Variants in ATP11B observed in about 807,000 individuals in gnomAD.
The protein encoded by ATP11B is phospholipid-transporting ATPase IF.
In ATP11B, 81 loss-of-function variants were observed where a neutral mutation model predicts 157.8. The observed-to-expected ratio is 0.51, with a 90% confidence interval of 0.43 to 0.62. The LOEUF is 0.62. Among genes scored for constraint, ATP11B ranks in the 20% least tolerant of loss-of-function variants. The probability of loss-of-function intolerance (pLI) is 0.00; values close to 1 mark genes in which losing one functional copy is unlikely to be tolerated. For synonymous variants in ATP11B, 451 were observed against 469.4 expected, an observed-to-expected ratio of 0.96 and a Z score of 0.51; for missense variants, 1,165 against 1,402.2, an observed-to-expected ratio of 0.83 and a Z score of 2.70.
At chr3:182,917,483 G>A (rs1725215061) in intron 29 of ATP11B, 1 of 985,202 alleles carries the variant, frequency 1.0e-6, no homozygotes, top group African/African-American at 1.7e-5. Context: ...CTTATTAAGT[G>A]AAAACGCTAG....
chr3:182,822,139 T>G lies in ATP11B; in HGVS notation c.144+1763T>G, dbSNP rs1204923608. Among the ~76,000 whole-genome samples, 3 of 152,162 alleles carry G rather than the reference T, an allele frequency of 2.0e-5. No individual in the cohort carries two copies. In the South Asian group the frequency reaches 6.2e-4, roughly 32 times the overall value. On this transcript the variant is annotated intron_variant, in intron 2 of 29. Transcript: ENST00000323116. Reference sequence around the variant, plus strand: ...TTTTTTTTTTAAATTATTATTATACTTTAAGTTCTAGGGTACATGTGCACA... The same window carrying G: ...TTTTTTTTTTAAATTATTATTATACGTTAAGTTCTAGGGTACATGTGCACA...
At chr3:182,798,914 C>T (rs1429901966) in intron 1 of ATP11B, among the ~76,000 whole-genome samples, 3 of 152,128 alleles carry the variant, frequency 2.0e-5, no homozygotes, top group South Asian at 2.1e-4. Context: ...TTTATTTTTA[C>T]CTTTTTTTAA....
At chr3:182,813,570 A>G (rs1394070191) in intron 1 of ATP11B, among the ~76,000 whole-genome samples, 2 of 152,170 alleles carry the variant, frequency 1.3e-5, no homozygotes, top group Non-Finnish European at 2.9e-5. Flanking sequence ...AAAATAAGAC[A>G]TATCTAGGAA....
chr3:182,841,977 CA>C (rs11401208), intron 7 of ATP11B, 97 bp from the exon 8 acceptor site: 13,387 of 357,636 alleles, frequency 0.037, no homozygotes, highest in East Asian at 0.061. Flanking sequence ...AGACTCGTCT[CA>C]AAAAAAAAAA....
chr3:182,913,080 C>T (rs189060832), intron 28 of ATP11B, among the ~76,000 whole-genome samples: 1 of 152,248 alleles, frequency 6.6e-6, no homozygotes, highest in East Asian at 1.9e-4. Context: ...ATGCCTGAAT[C>T]AACATAAATC....
At chr3:182,891,342 T>C (rs964319545) in intron 25 of ATP11B, among the ~76,000 whole-genome samples, 1 of 152,200 alleles carries the variant, frequency 6.6e-6, no homozygotes, top group African/African-American at 2.4e-5. Flanking sequence ...TGTGATAAGT[T>C]TGAAGTTAGT....
intron 22 of ATP11B, 119 bp downstream of exon 22, chr3:182,885,017 A>G (rs1722704572): frequency 1.5e-6 from 1 of 649,502 alleles, no homozygotes; most frequent in Non-Finnish European, 2.3e-6. Context: ...AAATAACAGT[A>G]TTTTGTCATA....
At chr3:182,892,608 T>G (rs928661754) in intron 25 of ATP11B, among the ~76,000 whole-genome samples, 2 of 152,212 alleles carry the variant, frequency 1.3e-5, no homozygotes, top group African/African-American at 4.8e-5. Context: ...CAATTTTATG[T>G]TAATTAATTT....
chr3:182,842,750 G>A (rs1000790721), intron 8 of ATP11B, among the ~76,000 whole-genome samples: 5 of 152,168 alleles, frequency 3.3e-5, no homozygotes, highest in Non-Finnish European at 5.9e-5. Context: ...TGGGAGTTAT[G>A]AGCCAGGGAC....
At chr3:182,889,664 A>C (rs2108570303) in intron 25 of ATP11B, 116 bp downstream of exon 25, 1 of 959,192 alleles carries the variant, frequency 1.0e-6, no homozygotes, top group East Asian at 3.2e-5. Context: ...TAAAATGCAA[A>C]TATAAAAAGG....
chr3:182,808,279 C>T (rs1301725655), intron 1 of ATP11B, among the ~76,000 whole-genome samples: 2 of 152,146 alleles, frequency 1.3e-5, no homozygotes, highest in South Asian at 4.1e-4. Context: ...TAAAGTAGTT[C>T]TCTAATCTTG....
At chr3:182,800,243 A>G (rs1715906576) in intron 1 of ATP11B, among the ~76,000 whole-genome samples, 1 of 151,150 alleles carries the variant, frequency 6.6e-6, no homozygotes, top group Non-Finnish European at 1.5e-5. Context: ...TTTTTTTGAG[A>G]TAAGGCCTCA....
intron 28 of ATP11B, among the ~76,000 whole-genome samples, chr3:182,911,173 T>G (rs1724754281): frequency 6.6e-6 from 1 of 151,142 alleles, no homozygotes; most frequent in Non-Finnish European, 1.5e-5. Context: ...AGGCTAAGCT[T>G]CTGCGGAATA....
intron 1 of ATP11B, among the ~76,000 whole-genome samples, chr3:182,807,730 G>T (rs1300627517): frequency 6.6e-6 from 1 of 152,092 alleles, no homozygotes; most frequent in Non-Finnish European, 1.5e-5. Context: ...GAAAATAAGT[G>T]AGTCATCTAT....
intron 28 of ATP11B, among the ~76,000 whole-genome samples, chr3:182,904,707 G>A (rs1271526355): frequency 6.6e-6 from 1 of 151,988 alleles, no homozygotes; most frequent in Non-Finnish European, 1.5e-5. Flanking sequence ...GGCCAACATG[G>A]TGAAACCCCA....
In ATP11B at chr3:182,797,098, G is replaced by A. The variant is rs550850906; in HGVS notation, c.27+3312G>A. 1.8e-3 allele frequency among the ~76,000 whole-genome samples: 277 copies of A among 152,290 alleles called. 1 individual carries two copies. Among genetic ancestry groups the A allele is most frequent in the Non-Finnish European group, 3.4e-3 (231 of 68,036 alleles). ...TTAATTCTTCCCTTCACAGTCACAA[G>A]GAAGATGCAACCCTCTTTTCCAAGA... On this transcript the variant is annotated intron_variant, in intron 1 of 29. Transcript: ENST00000323116.
intron 1 of ATP11B, among the ~76,000 whole-genome samples, chr3:182,799,318 G>A (rs1380750868): frequency 1.4e-5 from 2 of 145,254 alleles, no homozygotes; most frequent in African/African-American, 2.6e-5. Flanking sequence ...TCGCTCTTTC[G>A]CCCAGGCGGA....
chr3:182,854,524 G>C (rs1720223638), intron 10 of ATP11B, among the ~76,000 whole-genome samples: 1 of 151,958 alleles, frequency 6.6e-6, no homozygotes, highest in Non-Finnish European at 1.5e-5. Flanking sequence ...AGAAAACTTA[G>C]AAAGATATCT....
rs1450880023 is a variant in ATP11B, at chr3:182,918,071, G to C, written c.3501G>C (p.Leu1167Phe). 3 of 1,613,220 alleles carry C rather than the reference G, an allele frequency of 1.9e-6. No individual in the cohort carries two copies. Among genetic ancestry groups the C allele is most frequent in the Non-Finnish European group, 2.5e-6 (3 of 1,179,544 alleles). ...TCTATACCAACGACAGGAGCATCTT[G>C]ACTCTCTCCACAATGGACTCATCTA... ...DPFYTNDRSI[L>F]TLSTMDSSTC The change falls in exon 30 of 30, where the codon TTG (leucine) becomes TTC (phenylalanine). Residue 1167 changes from leucine to phenylalanine, a missense_variant. Physicochemically the swap from Leu to Phe is conservative, Grantham distance 22. This residue lies in a region of ATP11B where 303 missense variants were observed against 296.3 expected (regional missense o/e 1.02). Coordinates refer to ENST00000323116, the MANE Select transcript of ATP11B (RefSeq NM_014616.3).
Sources: gnomAD v4.1 joint callset for allele counts (sites outside exome capture counted in the v4.1 genomes callset) on GRCh38, gnomAD v4.1.1 for gene constraint, gnomAD v4.1.1 regional missense constraint, MANE v1.5 for transcripts, NCBI Gene and HGNC (gene_info 2026-07-23, HGNC 2026-07-21) for gene names.